Variants in EBF4 observed in about 807,000 individuals in gnomAD.
The protein encoded by EBF4 is transcription factor COE4.
EBF4 carries 34 observed loss-of-function variants against 67.1 expected under a neutral mutation model. The ratio of observed to expected loss-of-function variants is 0.51; its 90% confidence interval spans 0.39 to 0.67. The LOEUF (loss-of-function observed/expected upper bound fraction) is 0.67, where lower values mean the gene tolerates loss of function less well. Ranked by LOEUF, EBF4 falls within the 30% of genes least tolerant of loss-of-function variation. The probability of loss-of-function intolerance (pLI) is 0.00; values close to 1 mark genes in which losing one functional copy is unlikely to be tolerated. For missense variants in EBF4, 837 were observed against 873.3 expected (o/e 0.96, Z 0.52); for synonymous variants, 387 against 377.7 (o/e 1.02, Z -0.29).
chr20:2,751,919 C>T lies in EBF4; in HGVS notation c.1108-3C>T. 6.5e-7 allele frequency: 1 copy of T among 1,547,816 alleles called. No homozygotes were observed. The highest frequency in any genetic ancestry group is 8.7e-7 in the Non-Finnish European group (1 of 1,145,534). On this transcript the variant is annotated splice_region_variant and splice_polypyrimidine_tract_variant and intron_variant, in intron 11 of 16. Transcript: ENST00000609451. This position sits in a 1 kb window ranked among gnomAD's most constrained non-coding sequence, Gnocchi z 5.2. ...GTCCCGCTGTCTCTCCCCCTGTCCC[C>T]AGGAAGTGCTGCTGAAGCGGGCGGC... is the stretch of plus-strand genomic sequence containing the variant.
At chr20:2,714,155 TC>T (rs2087578029) in intron 6 of EBF4, among the ~76,000 whole-genome samples, 1 of 152,168 alleles carries the variant, frequency 6.6e-6, no homozygotes, top group Admixed American at 6.5e-5. Flanking sequence ...AACAGCAGTA[TC>T]CCAGTGATTT....
chr20:2,743,350 C>G (rs2087996799), intron 6 of EBF4, among the ~76,000 whole-genome samples: 1 of 152,218 alleles, frequency 6.6e-6, no homozygotes, highest in Non-Finnish European at 1.5e-5. Flanking sequence ...GGGCACTGCT[C>G]CTGGTTCTAG....
intron 5 of EBF4, 135 bp from the exon 6 acceptor site, chr20:2,709,439 T>C (rs2087508140): frequency 2.6e-6 from 2 of 770,834 alleles, no homozygotes; most frequent in Non-Finnish European, 3.8e-6. Flanking sequence ...AGTGAGCCCC[T>C]CCAGCCCAGG....
At chr20:2,705,834 C>T in intron 2 of EBF4, 101 bp downstream of exon 2, 1 of 1,324,626 alleles carries the variant, frequency 7.5e-7, no homozygotes, top group Non-Finnish European at 1.0e-6. Context: ...CACACACACA[C>T]ACACTGGGAC....
intron 6 of EBF4, among the ~76,000 whole-genome samples, chr20:2,722,991 A>G (rs1484224580): frequency 6.6e-6 from 1 of 152,170 alleles, no homozygotes; most frequent in Non-Finnish European, 1.5e-5. Context: ...CTTTACTTAT[A>G]ATTGTCTGCT....
Position 2,755,827 on chromosome 20 carries a change from G to T in EBF4, c.1738+3G>T. The T allele has an allele frequency of 6.5e-7, 1 of 1,545,732 alleles. No individual in the cohort carries two copies. Among genetic ancestry groups the T allele is most frequent in the Non-Finnish European group, 8.7e-7 (1 of 1,146,638 alleles). Reference sequence around the variant, plus strand: ...AGCCCACGGAGAGGGGCTTCCAGGTGAGTGATCCACCCTGCCTCACTGTGG... The same window carrying T: ...AGCCCACGGAGAGGGGCTTCCAGGTTAGTGATCCACCCTGCCTCACTGTGG... On this transcript the variant is annotated splice_donor_region_variant and intron_variant, in intron 15 of 16. Transcript: ENST00000609451. The surrounding 1 kb of genome is among the most constrained non-coding windows in gnomAD (Gnocchi z 4.7).
intron 6 of EBF4, among the ~76,000 whole-genome samples, chr20:2,742,582 C>G (rs1229714634): frequency 6.6e-6 from 1 of 152,186 alleles, no homozygotes; most frequent in East Asian, 1.9e-4. Flanking sequence ...CTCCAAGAGC[C>G]TCATGGCCAC....
chr20:2,737,785 A>C (rs2087909198), intron 6 of EBF4, among the ~76,000 whole-genome samples: 1 of 149,358 alleles, frequency 6.7e-6, no homozygotes, highest in South Asian at 2.2e-4. Context: ...AGCCTGGCCA[A>C]CATGGTGAAA....
chr20:2,752,612 C>A, intron 14 of EBF4, 67 bp downstream of exon 14: 1 of 1,179,602 alleles, frequency 8.5e-7, no homozygotes, highest in Admixed American at 4.3e-5. Context: ...AGCCCCGCCC[C>A]CGCCCATCCC....
intron 6 of EBF4, among the ~76,000 whole-genome samples, chr20:2,712,298 A>T (rs2087554839): frequency 6.6e-6 from 1 of 152,204 alleles, no homozygotes; most frequent in Non-Finnish European, 1.5e-5. Flanking sequence ...GTGAAGGATG[A>T]TGGAAGCTGA....
chr20:2,693,092 C>T, upstream of EBF4: 1 of 161,040 alleles, frequency 6.2e-6, no homozygotes, highest in Non-Finnish European at 1.3e-5. This position sits in a 1 kb window ranked among gnomAD's most constrained non-coding sequence, Gnocchi z 4.6. Flanking sequence ...GCCGCCGCTG[C>T]CGCCACTGTC....
intron 6 of EBF4, among the ~76,000 whole-genome samples, chr20:2,735,497 A>T (rs2087865506): frequency 1.3e-5 from 2 of 152,228 alleles, no homozygotes; most frequent in African/African-American, 4.8e-5. Flanking sequence ...GTTCTGAGAA[A>T]GTTGATTTTG....
intron 1 of EBF4, among the ~76,000 whole-genome samples, chr20:2,695,079 T>C (rs2087268285): frequency 6.6e-6 from 1 of 152,072 alleles, no homozygotes; most frequent in African/African-American, 2.4e-5. Flanking sequence ...TCCTGTGCTA[T>C]GCTTACAATT....
Position 2,744,487 on chromosome 20 carries a change from C to CTTTTTTT in EBF4, c.558-4058_558-4057insTTTTTTT, listed in dbSNP as rs778840182. ...TTTTTCTTTTCTTTTTTCTTTTTTT[C>CTTTTTTT]TTTTCTTTTTTTTTTTTTTTTTGAG... On this transcript the variant is annotated intron_variant, in intron 6 of 16. Transcript: ENST00000609451. 2.8e-4 allele frequency among the ~76,000 whole-genome samples: 31 copies of CTTTTTTT among 111,490 alleles called. 2 individuals are homozygous for CTTTTTTT. Among genetic ancestry groups the CTTTTTTT allele is most frequent in the Admixed American group, 3.3e-4 (3 of 9,046 alleles). 73.1% of individuals were successfully genotyped at this position (111,490 alleles called of 152,430 possible). A position where few individuals can be genotyped will look rare whatever the true frequency, so the allele number is the denominator to read the frequency against.
At chr20:2,703,889 T>C (rs892339097) in intron 1 of EBF4, among the ~76,000 whole-genome samples, 4 of 152,118 alleles carry the variant, frequency 2.6e-5, no homozygotes, top group Admixed American at 2.0e-4. Context: ...GTCTGAAGGA[T>C]TGACTGAGGC....
intron 6 of EBF4, among the ~76,000 whole-genome samples, chr20:2,748,339 A>G (rs2073126): frequency 0.52 from 78,884 of 151,882 alleles, 21,964 homozygotes; most frequent in African/African-American, 0.7. Flanking sequence ...GTATGGTTGT[A>G]TAGCGAAGTT....
intron 6 of EBF4, among the ~76,000 whole-genome samples, chr20:2,716,660 G>A (rs2087615143): frequency 1.3e-5 from 2 of 152,258 alleles, no homozygotes; most frequent in South Asian, 2.1e-4. Context: ...GGTATGGTGT[G>A]AATTAAGGAA....
intron 6 of EBF4, among the ~76,000 whole-genome samples, chr20:2,734,301 T>G (rs573956469): frequency 6.6e-6 from 1 of 152,236 alleles, no homozygotes; most frequent in Admixed American, 6.5e-5. Flanking sequence ...CCCAGCTACT[T>G]GGGAACTAAG....
rs1363750805 is a variant in EBF4 at position 2,747,336 on chromosome 20, A to T, written c.558-1213A>T. The stretch of plus-strand genomic sequence containing the variant: ...AACAAACAAAAAAAAAAAAACAGGA[A>T]AAAAAAGAGTACAACAGCCAGAATG... On this transcript the variant is annotated intron_variant, in intron 6 of 16. Coordinates refer to ENST00000609451, the Ensembl canonical transcript of EBF4. This position sits in a 1 kb window ranked among gnomAD's most constrained non-coding sequence, Gnocchi z 4.6. Among the ~76,000 whole-genome samples the T allele has an allele frequency of 6.6e-6, 1 of 150,562 alleles. No homozygotes were observed. The highest frequency in any genetic ancestry group is 1.5e-5 in the Non-Finnish European group (1 of 67,566).
Sources: gnomAD v4.1 joint callset for allele counts (sites outside exome capture counted in the v4.1 genomes callset) on GRCh38, gnomAD v4.1.1 for gene constraint, Gnocchi (gnomAD v3.1) non-coding constraint, MANE v1.5 for transcripts, NCBI Gene and HGNC (gene_info 2026-07-23, HGNC 2026-07-21) for gene names.